Variants in TDRD1 observed in about 807,000 individuals in gnomAD.
The protein encoded by TDRD1 is tudor domain containing 1, also known as tudor domain-containing protein 1.
Under a neutral mutation model 140.6 loss-of-function variants are expected in TDRD1, and 37 were observed. That is an observed-to-expected ratio of 0.26 (90% confidence interval 0.20 to 0.35). TDRD1 has a LOEUF of 0.35. TDRD1 is among the 10% of genes least tolerant of loss of function. The pLI is 1.00. For synonymous variants in TDRD1, 506 were observed against 475.7 expected (o/e 1.06, Z -0.83); for missense variants, 1,243 against 1,393.0 (o/e 0.89, Z 1.71).
chr10:114,210,707 A>G (rs774788788), exon 12 of TDRD1: 2 of 1,612,770 alleles, frequency 1.2e-6, no homozygotes, highest in Admixed American at 3.3e-5. Flanking sequence ...GCCCACATTC[A>G]AACACCAGAA....
chr10:114,199,093 T>C (rs2034559506), intron 3 of TDRD1, 80 bp from the exon 4 acceptor site: 1 of 1,458,344 alleles, frequency 6.9e-7, no homozygotes, highest in Non-Finnish European at 9.3e-7. Context: ...CTTGATCTTA[T>C]CTGAAGTAGT....
At chr10:114,188,780 C>T (rs963136390) in intron 2 of TDRD1, among the ~76,000 whole-genome samples, 4 of 151,344 alleles carry the variant, frequency 2.6e-5, no homozygotes, top group African/African-American at 9.7e-5. Context: ...TCGCTTGAAC[C>T]TGGGAGGCAG....
In TDRD1 at chr10:114,188,097, C is replaced by A. The variant is rs139938740; in HGVS notation, c.266C>A (p.Pro89Gln). The A allele has an allele frequency of 1.2e-5, 19 of 1,611,448 alleles. No homozygotes were observed. The highest frequency in any genetic ancestry group is 1.5e-5 in the Non-Finnish European group (18 of 1,178,796). Reference sequence around the variant, plus strand: ...GAAGACAATTCAGTTTCTTCAAACCCGAATGGCATCAACGGAGAAGTAGTT... The same window carrying A: ...GAAGACAATTCAGTTTCTTCAAACCAGAATGGCATCAACGGAGAAGTAGTT... Residue 89 changes from proline to glutamine, a missense_variant, in exon 2 of 26, where the codon CCG becomes CAG. Pro to Gln is a moderately conservative substitution (Grantham distance 76). Around this residue, in one of 5 missense-constraint regions of TDRD1, gnomAD observed 237 missense variants for 215.5 expected, o/e 1.10. Coordinates refer to ENST00000251864, the Ensembl canonical transcript of TDRD1.
At chr10:114,229,511 G>A (rs2036629540) in intron 25 of TDRD1, among the ~76,000 whole-genome samples, 1 of 150,302 alleles carries the variant, frequency 6.7e-6, no homozygotes, top group African/African-American at 2.4e-5. Flanking sequence ...TCTTAATACT[G>A]ACTGTTTTGT....
chr10:114,231,390 AGT>A, intron 25 of TDRD1: 1 of 1,038,218 alleles, frequency 9.6e-7, no homozygotes, highest in African/African-American at 1.6e-5. Flanking sequence ...TTCAGTTAAA[AGT>A]GAATATTTTG....
rs1423738083 is a variant in TDRD1, at chr10:114,202,927, CTT to C, written c.697-144_697-143del. The C allele has an allele frequency of 4.5e-6, 3 of 659,658 alleles. No individual in the cohort carries two copies. The East Asian group carries it at 8.3e-5, about 18-fold the overall frequency. 40.9% of individuals were successfully genotyped at this position (659,658 alleles called of 1,614,324 possible). On this transcript the variant is annotated intron_variant, in intron 6 of 25. Transcript: ENST00000251864. ...CTGTGGACAGTGGGTTTTAGTGACTCTTGGAGGCCTTCCCTATTTCTGTGTTC... is the reference window on the plus strand; with the variant it reads ...CTGTGGACAGTGGGTTTTAGTGACTCGGAGGCCTTCCCTATTTCTGTGTTC...
At chr10:114,206,899 A>G (rs1220236469) in intron 11 of TDRD1, among the ~76,000 whole-genome samples, 3 of 152,178 alleles carry the variant, frequency 2.0e-5, no homozygotes, top group Non-Finnish European at 4.4e-5. Flanking sequence ...TACAGGCGTG[A>G]GCCACTACGC....
chr10:114,209,192 C>G (rs2035321253), intron 11 of TDRD1, among the ~76,000 whole-genome samples: 2 of 152,072 alleles, frequency 1.3e-5, no homozygotes, highest in Non-Finnish European at 2.9e-5. Flanking sequence ...TTAATAGCCA[C>G]CACACTCCAG....
chr10:114,201,610 A>C (rs2034748550), intron 5 of TDRD1, 95 bp downstream of exon 5: 3 of 974,180 alleles, frequency 3.1e-6, no homozygotes, highest in Non-Finnish European at 4.6e-6. Flanking sequence ...AACCAAGTAG[A>C]AGTTACTTTT....
At chr10:114,176,142 G>A (rs1454295330), upstream of TDRD1, among the ~76,000 whole-genome samples, 1 of 152,010 alleles carries the variant, frequency 6.6e-6, no homozygotes, top group Non-Finnish European at 1.5e-5. This position sits in a 1 kb window ranked among gnomAD's most constrained non-coding sequence, Gnocchi z 4.2. Flanking sequence ...GGATGGGGCT[G>A]GCACCACTTG....
chr10:114,189,809 T>C (rs765731679), intron 2 of TDRD1, among the ~76,000 whole-genome samples: 9 of 152,226 alleles, frequency 5.9e-5, no homozygotes, highest in Non-Finnish European at 1.3e-4. Context: ...CAATTGGAAA[T>C]GCTGCATATA....
At chr10:114,203,226 T>G in intron 7 of TDRD1, 50 bp downstream of exon 7, 1 of 1,506,146 alleles carries the variant, frequency 6.6e-7, no homozygotes, top group Non-Finnish European at 9.1e-7. Flanking sequence ...AGAACTGTAT[T>G]TATTCTCGTT....
At chr10:114,187,596 T>C (rs1216324127) in intron 1 of TDRD1, among the ~76,000 whole-genome samples, 1 of 152,234 alleles carries the variant, frequency 6.6e-6, no homozygotes, top group African/African-American at 2.4e-5. Flanking sequence ...AGATTTTTGA[T>C]TTTTCATGAG....
intron 1 of TDRD1, among the ~76,000 whole-genome samples, chr10:114,185,307 A>G (rs2033428119): frequency 6.6e-6 from 1 of 152,138 alleles, no homozygotes; most frequent in Admixed American, 6.5e-5. Context: ...CTCCTGCCTC[A>G]GCCTCCCGAG....
chr10:114,218,388 T>C (rs1460307111), intron 17 of TDRD1, 26 bp from the exon 18 acceptor site: 2 of 1,444,576 alleles, frequency 1.4e-6, no homozygotes, highest in Non-Finnish European at 1.8e-6. Context: ...AAATGTTCCA[T>C]GTCACAAACT....
rs1389946810 is a variant in TDRD1 at position 114,185,809 on chromosome 10, G to A, written c.-6-2017G>A. On this transcript the variant is annotated intron_variant, in intron 1 of 25. Transcript: ENST00000251864. Reference sequence around the variant, plus strand: ...TCACCATGTTGTCCAGGCTGGTCTCGAACTCCTGACCTCAAGTGATCCACC... The same window carrying A: ...TCACCATGTTGTCCAGGCTGGTCTCAAACTCCTGACCTCAAGTGATCCACC... 4.0e-5 allele frequency among the ~76,000 whole-genome samples: 6 copies of A among 151,510 alleles called. No homozygotes were observed. In the South Asian group the frequency reaches 6.3e-4, roughly 16 times the overall value.
chr10:114,179,345 G>C lies in TDRD1; in HGVS notation c.-78G>C, dbSNP rs949234118. 4.6e-5 allele frequency: 7 copies of C among 152,796 alleles called. No individual in the cohort carries two copies. The highest frequency in any genetic ancestry group is 1.4e-4 in the African/African-American group (6 of 41,476). The allele number at this position is 152,796 out of a possible 1,614,324, so 9.5% of individuals were successfully genotyped here. On this transcript the variant is annotated 5_prime_UTR_variant, in exon 1 of 26. Transcript: ENST00000251864. ...CGCATCCCAGGCGGCAGGGCTCCCAGCATCGGCAGTCGCCATCACCGCCAG... is the reference window on the plus strand; with the variant it reads ...CGCATCCCAGGCGGCAGGGCTCCCACCATCGGCAGTCGCCATCACCGCCAG...
chr10:114,215,472 C>T (rs1376765494), intron 16 of TDRD1, among the ~76,000 whole-genome samples: 2 of 152,102 alleles, frequency 1.3e-5, no homozygotes, highest in Admixed American at 1.3e-4. Context: ...CTACAAAGGC[C>T]AGTTTCTGAA....
chr10:114,211,966 G>C, exon 14 of TDRD1: 1 of 1,612,990 alleles, frequency 6.2e-7, no homozygotes, highest in Non-Finnish European at 8.5e-7. Flanking sequence ...TCCTTAGTTT[G>C]ATGAGACTTT....
Sources: gnomAD v4.1 joint callset for allele counts (sites outside exome capture counted in the v4.1 genomes callset) on GRCh38, gnomAD v4.1.1 for gene constraint, gnomAD v4.1.1 regional missense constraint, Gnocchi (gnomAD v3.1) non-coding constraint, MANE v1.5 for transcripts, NCBI Gene and HGNC (gene_info 2026-07-23, HGNC 2026-07-21) for gene names.